Variants in ZNG1F observed in about 807,000 individuals in gnomAD.
The protein encoded by ZNG1F is Zn regulated GTPase metalloprotein activator 1F.
the ZNG1F span, chr9:41,158,269 G>C: frequency 7.9e-6 from 1 of 127,292 alleles, no homozygotes; most frequent in African/African-American, 2.9e-5. Context: ...AGCCGAGATC[G>C]CACCACCGCA....
chr9:41,155,261 C>T, the ZNG1F span, among the ~76,000 whole-genome samples: 1 of 150,646 alleles, frequency 6.6e-6, no homozygotes, highest in Admixed American at 6.7e-5. Flanking sequence ...AAAATGCTCA[C>T]CATCTCTGGC....
chr9:41,199,715 G>A, the ZNG1F span, among the ~76,000 whole-genome samples: 1 of 151,946 alleles, frequency 6.6e-6, no homozygotes, highest in Non-Finnish European at 1.5e-5. Flanking sequence ...TGCCCTAGCA[G>A]AGGTTCTCCA....
chr9:41,183,625 C>T, the ZNG1F span: 22 of 1,603,306 alleles, frequency 1.4e-5, 1 homozygote, highest in Non-Finnish European at 1.9e-5. Context: ...AGCTCTCCAC[C>T]TTGGCTGACA....
the ZNG1F span, among the ~76,000 whole-genome samples, chr9:41,141,237 A>G: frequency 1.3e-5 from 2 of 151,554 alleles, no homozygotes; most frequent in African/African-American, 2.4e-5. Context: ...TGTAATTCCC[A>G]GTGCAGAAGA....
At chr9:41,132,264 C>T in the ZNG1F span, 11 of 1,604,204 alleles carry the variant, frequency 6.9e-6, 1 homozygote, top group South Asian at 7.7e-5. Flanking sequence ...TCAGTGTCAT[C>T]CTTCCAGCTC....
At chr9:41,172,091 T>C in the ZNG1F span, among the ~76,000 whole-genome samples, 11 of 862 alleles carry the variant, frequency 0.013, no homozygotes, top group East Asian at 0.065. Flanking sequence ...CACTTGATCT[T>C]AGCCAAAAGA....
the ZNG1F span, among the ~76,000 whole-genome samples, chr9:41,201,319 A>T: frequency 7.3e-6 from 1 of 137,508 alleles, no homozygotes; most frequent in Non-Finnish European, 1.6e-5. Context: ...TATGTTTGTG[A>T]TGATACACAC....
At chr9:41,132,009 A>G in the ZNG1F span, 1 of 682,248 alleles carries the variant, frequency 1.5e-6, no homozygotes, top group South Asian at 2.0e-5. Context: ...TCAAAGTCAC[A>G]TTGGTCCTTG....
chr9:41,139,921 T>C, the ZNG1F span, among the ~76,000 whole-genome samples: 96 of 151,956 alleles, frequency 6.3e-4, no homozygotes, highest in African/African-American at 2.3e-3. Flanking sequence ...GTAAAACTCA[T>C]CAAATCAGAA....
the ZNG1F span, among the ~76,000 whole-genome samples, chr9:41,187,504 C>T: frequency 6.9e-6 from 1 of 144,870 alleles, no homozygotes; most frequent in Non-Finnish European, 1.5e-5. Flanking sequence ...TCCTACAGGT[C>T]CTTGTAATTC....
At chr9:41,139,705 C>T in the ZNG1F span, among the ~76,000 whole-genome samples, 2 of 151,764 alleles carry the variant, frequency 1.3e-5, no homozygotes, top group African/African-American at 4.8e-5. Flanking sequence ...AGCCAAGACA[C>T]TAACAACCAC....
At chr9:41,201,835 C>A in the ZNG1F span, among the ~76,000 whole-genome samples, 1 of 149,584 alleles carries the variant, frequency 6.7e-6, no homozygotes, top group Middle Eastern at 3.5e-3. Context: ...AGAACCTATA[C>A]TATAAGATGG....
At chr9:41,166,561 T>A in the ZNG1F span, among the ~76,000 whole-genome samples, 15 of 127,098 alleles carry the variant, frequency 1.2e-4, no homozygotes, top group African/African-American at 4.3e-4. Context: ...ACAGAACTCC[T>A]GTGTTCAGCA....
the ZNG1F span, among the ~76,000 whole-genome samples, chr9:41,204,866 C>T: frequency 1.4e-5 from 2 of 140,912 alleles, no homozygotes; most frequent in Non-Finnish European, 3.1e-5. Flanking sequence ...TTTTATTTTC[C>T]CTGAAATTAA....
At chr9:41,150,312 G>A in the ZNG1F span, among the ~76,000 whole-genome samples, 4 of 150,774 alleles carry the variant, frequency 2.7e-5, no homozygotes, top group East Asian at 2.0e-4. Context: ...CACCTGGCTC[G>A]GAGGGTCCCA....
At chr9:41,183,218 AT>A in the ZNG1F span, among the ~76,000 whole-genome samples, 50 of 142,634 alleles carry the variant, frequency 3.5e-4, no homozygotes, top group African/African-American at 1.1e-3. Context: ...TTTGATAGTC[AT>A]TTTTTTTTTT....
chr9:41,151,292 GT>G, the ZNG1F span, among the ~76,000 whole-genome samples: 1 of 144,802 alleles, frequency 6.9e-6, no homozygotes, highest in Non-Finnish European at 1.5e-5. Flanking sequence ...AAGAAGGGAA[GT>G]TTAGAGAAAA....
At chr9:41,157,996 ACCC>A in the ZNG1F span, 1 of 104,852 alleles carries the variant, frequency 9.5e-6, no homozygotes, top group African/African-American at 3.5e-5. Context: ...TTCCTTTTTC[ACCC>A]CCCACCCCTC....
the ZNG1F span, among the ~76,000 whole-genome samples, chr9:41,140,999 A>T: frequency 6.6e-6 from 1 of 151,720 alleles, no homozygotes; most frequent in East Asian, 1.9e-4. Flanking sequence ...AAGCGCTAGG[A>T]TTACAAGCAT....
Sources: gnomAD v4.1 joint callset for allele counts (sites outside exome capture counted in the v4.1 genomes callset) on GRCh38, gnomAD v4.1.1 for gene constraint, MANE v1.5 for transcripts, NCBI Gene and HGNC (gene_info 2026-07-23, HGNC 2026-07-21) for gene names.